The following MAPRE3 variants were observed in gnomAD, a reference collection of about 807,000 sequenced individuals.
MAPRE3 encodes microtubule-associated protein RP/EB family member 3.
MAPRE3 carries 2 observed loss-of-function variants against 30.5 expected under a neutral mutation model. The ratio of observed to expected loss-of-function variants is 0.07; its 90% CI spans 0.03 to 0.21. MAPRE3 has a LOEUF of 0.21. Ranked by LOEUF, MAPRE3 falls within the 10% of genes least tolerant of loss-of-function variation. The probability of loss-of-function intolerance (pLI) is 1.00; values close to 1 mark genes in which losing one functional copy is unlikely to be tolerated. For synonymous variants in MAPRE3, 110 were observed against 127.7 expected, an observed-to-expected ratio of 0.86 and a Z score of 0.93; for missense variants, 204 against 351.8, an observed-to-expected ratio of 0.58 and a Z score of 3.36.
chr2:27,025,267 T>C (rs1324947661), intron 4 of MAPRE3, among the ~76,000 whole-genome samples: 1 of 152,156 alleles, frequency 6.6e-6, no homozygotes, highest in Non-Finnish European at 1.5e-5. Flanking sequence ...CCAACTCTAC[T>C]TCCCCAAATT....
chr2:26,989,113 T>C (rs1010726270), intron 1 of MAPRE3, among the ~76,000 whole-genome samples: 1 of 152,176 alleles, frequency 6.6e-6, no homozygotes, highest in Non-Finnish European at 1.5e-5. Flanking sequence ...GTATCCCACA[T>C]TGATAAAGAA....
At position 26,980,509 on chromosome 2, in the gene MAPRE3, C is replaced by A. The variant is rs367893818; in HGVS notation, c.-8+9707C>A. Among the ~76,000 whole-genome samples, 6 of 152,304 alleles carry A rather than the reference C, an allele frequency of 3.9e-5. No individual in the cohort carries two copies. In the East Asian group the frequency reaches 7.7e-4, roughly 20 times the overall value. ...GACATAATCCATATATTTGTAACTT[C>A]ACATATTTCATTCCTTTGGTGGTAT... On this transcript the variant is annotated intron_variant, in intron 1 of 6. Transcript: ENST00000233121.
chr2:26,975,062 C>T (rs1194729495), intron 1 of MAPRE3, among the ~76,000 whole-genome samples: 1 of 152,176 alleles, frequency 6.6e-6, no homozygotes, highest in East Asian at 1.9e-4. Flanking sequence ...TGTATCTTTG[C>T]TCCATGTATT....
At chr2:27,006,486 C>T (rs975520950) in intron 1 of MAPRE3, among the ~76,000 whole-genome samples, 8 of 152,158 alleles carry the variant, frequency 5.3e-5, no homozygotes, top group Non-Finnish European at 7.3e-5. Flanking sequence ...GCTGGGGTGC[C>T]GTGGCATGAT....
At chr2:27,003,533 C>T (rs1666651919) in intron 1 of MAPRE3, among the ~76,000 whole-genome samples, 2 of 152,212 alleles carry the variant, frequency 1.3e-5, no homozygotes, top group Admixed American at 6.5e-5. Context: ...TTTCTCATAG[C>T]CATGGCTTTA....
rs78929442 is a variant in MAPRE3 at position 26,993,978 on chromosome 2, C to G, written c.-8+23176C>G. On this transcript the variant is annotated intron_variant, in intron 1 of 6. Coordinates refer to ENST00000233121, the MANE Select transcript of MAPRE3 (RefSeq NM_012326.4). ...GAAGACTGACATTAAGGAATGCTAC[C>G]AGAATACCCCAGAATTTGACTTGAG... Among the ~76,000 whole-genome samples the G allele has an allele frequency of 6.0e-4, 91 of 152,306 alleles. 1 individual carries two copies. The Middle Eastern group carries it at 0.01, about 17-fold the overall frequency.
chr2:26,996,697 GGAGAATGGCGTGAACCT>G (rs1228833758), intron 1 of MAPRE3, among the ~76,000 whole-genome samples: 3 of 152,260 alleles, frequency 2.0e-5, no homozygotes, highest in Admixed American at 6.5e-5. Flanking sequence ...GGCTGAGGCA[GGAGAATGGCGTGAACCT>G]GAGAATGGCG....
chr2:26,986,938 GCCA>G lies in MAPRE3; in HGVS notation c.-8+16139_-8+16141del, dbSNP rs1355347345. Among the ~76,000 whole-genome samples, 17 of 152,244 alleles carry G rather than the reference GCCA, an allele frequency of 1.1e-4. No individual in the cohort carries two copies. In the South Asian group the frequency reaches 1.7e-3, roughly 15 times the overall value. On this transcript the variant is annotated intron_variant, in intron 1 of 6. Transcript: ENST00000233121. The surrounding 1 kb of genome is among the most constrained non-coding windows in gnomAD (Gnocchi z 4.2). ...TGGAGGGAGAGTGGGAAGCTGAGGA[GCCA>G]CCGTGTGAAAGAGTTTCCACCTAGA...
chr2:27,022,174 G>T (rs1439835275), intron 1 of MAPRE3, 38 bp from the exon 2 acceptor site: 5 of 1,605,024 alleles, frequency 3.1e-6, no homozygotes, highest in Non-Finnish European at 3.4e-6. Flanking sequence ...GCTACATGAG[G>T]CCCCAGTGCT....
Position 26,981,819 on chromosome 2 carries a change from T to TG in MAPRE3, c.-8+11018dup, listed in dbSNP as rs971408400. On this transcript the variant is annotated intron_variant, in intron 1 of 6. Coordinates refer to ENST00000233121, the MANE Select transcript of MAPRE3 (RefSeq NM_012326.4). ...CCCTCCTCCACCTACACTCCAGTAG[T>TG]GTTCAAAATCCAAGGAGGCCCATCT... Among the ~76,000 whole-genome samples, 27 of 152,256 alleles carry TG rather than the reference T, an allele frequency of 1.8e-4. 1 individual carries two copies. Among genetic ancestry groups the TG allele is most frequent in the African/African-American group, 6.3e-4 (26 of 41,556 alleles).
intron 1 of MAPRE3, among the ~76,000 whole-genome samples, chr2:26,979,808 C>T (rs978899908): frequency 6.6e-6 from 1 of 152,136 alleles, no homozygotes; most frequent in African/African-American, 2.4e-5. Context: ...ATATTGGTGA[C>T]ATTAACCAGA....
chr2:27,023,626 C>T (rs746749532), intron 3 of MAPRE3, 149 bp downstream of exon 3: 52 of 858,396 alleles, frequency 6.1e-5, no homozygotes, highest in Admixed American at 1.3e-4. Context: ...AATTTTCCCC[C>T]TGCTCAAGGC....
chr2:27,006,892 G>C (rs540210246), intron 1 of MAPRE3, among the ~76,000 whole-genome samples: 1 of 152,282 alleles, frequency 6.6e-6, no homozygotes, highest in South Asian at 2.1e-4. Context: ...GCAATTTTAG[G>C]CTTCCAAAAG....
At chr2:27,018,272 G>T (rs959704207) in intron 1 of MAPRE3, among the ~76,000 whole-genome samples, 8 of 152,138 alleles carry the variant, frequency 5.3e-5, no homozygotes, top group Non-Finnish European at 1.0e-4. Flanking sequence ...TGCCCCAGGG[G>T]CCTCATAGGG....
chr2:26,991,843 A>G (rs958510281), intron 1 of MAPRE3, among the ~76,000 whole-genome samples: 1 of 152,132 alleles, frequency 6.6e-6, no homozygotes, highest in Admixed American at 6.5e-5. Context: ...TGTTCTCTCT[A>G]TCCCACTAAA....
chr2:26,971,456 C>T (rs1665914129), intron 1 of MAPRE3, among the ~76,000 whole-genome samples: 1 of 152,144 alleles, frequency 6.6e-6, no homozygotes, highest in African/African-American at 2.4e-5. Flanking sequence ...GCGGCTAGTG[C>T]CTGGTGGCCT....
intron 1 of MAPRE3, among the ~76,000 whole-genome samples, chr2:26,979,207 G>C (rs1383206385): frequency 1.3e-5 from 2 of 152,222 alleles, no homozygotes; most frequent in Non-Finnish European, 2.9e-5. Context: ...GAAAAGAACA[G>C]TGCATTGGGT....
intron 1 of MAPRE3, among the ~76,000 whole-genome samples, chr2:27,010,420 C>T (rs1666823941): frequency 6.8e-6 from 1 of 148,002 alleles, no homozygotes; most frequent in Non-Finnish European, 1.5e-5. Context: ...GAGCACAAGC[C>T]TACTTTTAAT....
At chr2:26,998,150 G>GTGGTCACAGTTTGTTT (rs1229414475) in intron 1 of MAPRE3, among the ~76,000 whole-genome samples, 4 of 152,350 alleles carry the variant, frequency 2.6e-5, no homozygotes, top group Non-Finnish European at 4.4e-5. Context: ...TTTTACAAAC[G>GTGGTCACAGTTTGTTT]CTGTGGTCAC....
Sources: allele counts gnomAD v4.1 joint callset (sites outside exome capture counted in the v4.1 genomes callset), GRCh38; gene constraint gnomAD v4.1.1; non-coding constraint Gnocchi (gnomAD v3.1); transcripts MANE v1.5; gene names NCBI Gene and HGNC (gene_info 2026-07-23, HGNC 2026-07-21).